CDH13: variants seen among roughly 807,000 people sequenced by gnomAD.
CDH13 encodes cadherin 13.
Under a neutral mutation model 63.8 loss-of-function variants are expected in CDH13, and 24 were observed. That is an observed-to-expected ratio of 0.38 (90% CI 0.27 to 0.53). CDH13 has a LOEUF of 0.53. Ranked by LOEUF, CDH13 falls within the 20% of genes least tolerant of loss-of-function variation. The pLI is 0.85. For synonymous variants in CDH13, 503 were observed against 355.3 expected (o/e 1.42, Z -4.67); for missense variants, 1,049 against 903.1 (o/e 1.16, Z -2.07).
intron 1 of CDH13, chr16:82,844,595 T>C (rs1314347940): frequency 7.4e-6 from 1 of 134,816 alleles, no homozygotes; most frequent in African/African-American, 2.7e-5. Flanking sequence ...TGTGACACTC[T>C]GTCTCGGAAA....
intron 5 of CDH13, among the ~76,000 whole-genome samples, chr16:83,230,948 G>A (rs941409821): frequency 2.2e-4 from 34 of 152,158 alleles, no homozygotes; most frequent in Admixed American, 1.6e-3. Context: ...AGCATATGCC[G>A]GGAGACATCC....
chr16:83,038,774 A>T (rs1442068455), intron 3 of CDH13, among the ~76,000 whole-genome samples: 1 of 152,218 alleles, frequency 6.6e-6, no homozygotes, highest in East Asian at 1.9e-4. Flanking sequence ...AATGGGATTC[A>T]ACAACTTCAT....
intron 5 of CDH13, among the ~76,000 whole-genome samples, chr16:83,222,924 G>C (rs11640229): frequency 0.76 from 115,590 of 151,692 alleles, 45,056 homozygotes; most frequent in East Asian, 0.96. Context: ...GTTATGGGGG[G>C]CTGTCCTGTG....
chr16:83,747,598 C>A (rs1366999763), intron 10 of CDH13, among the ~76,000 whole-genome samples: 2 of 121,074 alleles, frequency 1.7e-5, no homozygotes, highest in Non-Finnish European at 4.2e-5. Flanking sequence ...TCCTCTCACT[C>A]TCTGATGACA....
In CDH13 at chr16:83,796,883, T is replaced by G. The variant is rs1904284077; in HGVS notation, c.*1853T>G. The G allele has an allele frequency of 6.6e-6, 1 of 152,222 alleles. No individual in the cohort carries two copies. The highest frequency in any genetic ancestry group is 2.1e-4 in the South Asian group (1 of 4,830). The allele number at this position is 152,222 out of a possible 1,614,324, so 9.4% of individuals were successfully genotyped here. On this transcript the variant is annotated 3_prime_UTR_variant, in exon 14 of 14. Coordinates refer to ENST00000567109, the MANE Select transcript of CDH13 (RefSeq NM_001257.5). ...TCTCAGTTGATGACCACATTAAGCATAGTCATGGCCATCTGTCAACAGTCC... is the reference window on the plus strand; with the variant it reads ...TCTCAGTTGATGACCACATTAAGCAGAGTCATGGCCATCTGTCAACAGTCC...
Position 82,879,469 on chromosome 16 carries a change from T to C in CDH13, c.157+20996T>C, listed in dbSNP as rs532290740. Among the ~76,000 whole-genome samples the C allele has an allele frequency of 1.3e-3, 186 of 145,442 alleles. 2 individuals carry two copies. The highest frequency in any genetic ancestry group is 1.4e-3 in the Non-Finnish European group (95 of 66,592). On this transcript the variant is annotated intron_variant, in intron 2 of 13. Coordinates refer to ENST00000567109, the MANE Select transcript of CDH13 (RefSeq NM_001257.5). ...TATATGTAGAAAAATATATATTAAA[T>C]AAATATAAAATATATAATTTAATTA... is the stretch of plus-strand genomic sequence containing the variant.
chr16:83,200,359 C>T (rs1021208038), intron 4 of CDH13, among the ~76,000 whole-genome samples: 1 of 152,166 alleles, frequency 6.6e-6, no homozygotes, highest in Non-Finnish European at 1.5e-5. Context: ...CTAAACCAGT[C>T]TCCTTTTCTG....
chr16:83,489,873 A>G (rs1159397028), intron 7 of CDH13, among the ~76,000 whole-genome samples: 1 of 152,168 alleles, frequency 6.6e-6, no homozygotes, highest in Non-Finnish European at 1.5e-5. Flanking sequence ...GGACTTTGAG[A>G]TGATTCAAGT....
chr16:82,899,585 G>A (rs2041389593), intron 2 of CDH13, among the ~76,000 whole-genome samples: 1 of 152,084 alleles, frequency 6.6e-6, no homozygotes, highest in Non-Finnish European at 1.5e-5. Context: ...CAGGTGGGTG[G>A]CACGTGTAGG....
At chr16:82,898,829 T>A (rs1206720397) in intron 2 of CDH13, among the ~76,000 whole-genome samples, 1 of 152,036 alleles carries the variant, frequency 6.6e-6, no homozygotes, top group Non-Finnish European at 1.5e-5. Flanking sequence ...TGTCTCAAGT[T>A]GGGTTTTCTA....
intron 1 of CDH13, among the ~76,000 whole-genome samples, chr16:82,690,789 C>T (rs1016506428): frequency 6.6e-6 from 1 of 152,242 alleles, no homozygotes; most frequent in Non-Finnish European, 1.5e-5. Flanking sequence ...CCTGCTCACA[C>T]CTCTGGGAGT....
intron 1 of CDH13, among the ~76,000 whole-genome samples, chr16:82,770,297 A>G (rs1302321219): frequency 6.6e-6 from 1 of 152,254 alleles, no homozygotes; most frequent in Non-Finnish European, 1.5e-5. Context: ...TACCCAACCA[A>G]TCAGAAATTC....
intron 6 of CDH13, among the ~76,000 whole-genome samples, chr16:83,403,800 A>AT (rs2092003813): frequency 6.6e-6 from 1 of 152,196 alleles, no homozygotes; most frequent in Non-Finnish European, 1.5e-5. Flanking sequence ...CATAGAGAAT[A>AT]TTCTTACCTA....
At chr16:83,248,029 AGAT>A (rs1259252651) in intron 5 of CDH13, among the ~76,000 whole-genome samples, 3 of 152,174 alleles carry the variant, frequency 2.0e-5, no homozygotes, top group African/African-American at 7.2e-5. Context: ...TGAGAAGGCA[AGAT>A]GAATCTGGAG....
At chr16:82,892,987 T>C (rs1434998665) in intron 2 of CDH13, among the ~76,000 whole-genome samples, 3 of 152,228 alleles carry the variant, frequency 2.0e-5, no homozygotes, top group Non-Finnish European at 2.9e-5. Context: ...AACGGTAACT[T>C]TACTATATAC....
chr16:83,659,130 A>G (rs1222301227), intron 8 of CDH13, among the ~76,000 whole-genome samples: 1 of 121,410 alleles, frequency 8.2e-6, no homozygotes, highest in Admixed American at 8.7e-5. Flanking sequence ...ACCAGGTCCC[A>G]TGTCCTCACC....
At chr16:83,493,124 T>C (rs1309185175) in intron 7 of CDH13, among the ~76,000 whole-genome samples, 11 of 152,218 alleles carry the variant, frequency 7.2e-5, no homozygotes, top group Admixed American at 7.2e-4. Flanking sequence ...CTCATTGGCT[T>C]ATTGAAAAAA....
At chr16:83,696,899 C>G (rs1489169510) in intron 10 of CDH13, among the ~76,000 whole-genome samples, 2 of 152,172 alleles carry the variant, frequency 1.3e-5, no homozygotes, top group Non-Finnish European at 2.9e-5. Flanking sequence ...CCTCCCATTT[C>G]ACACTGAAGT....
chr16:82,806,376 C>A (rs1567554345), intron 1 of CDH13, among the ~76,000 whole-genome samples: 2 of 152,138 alleles, frequency 1.3e-5, no homozygotes, highest in Admixed American at 6.6e-5. Flanking sequence ...ATTGAAGGTA[C>A]AAAACGTATA....
Sources: allele counts gnomAD v4.1 joint callset (sites outside exome capture counted in the v4.1 genomes callset), GRCh38; gene constraint gnomAD v4.1.1; transcripts MANE v1.5; gene names NCBI Gene and HGNC (gene_info 2026-07-23, HGNC 2026-07-21).